Variants in MAPRE2 observed in about 807,000 individuals in gnomAD.
MAPRE2 encodes the protein microtubule-associated protein RP/EB family member 2.
MAPRE2 carries 13 observed loss-of-function variants against 43.2 expected under a neutral mutation model. The ratio of observed to expected loss-of-function variants is 0.30; its 90% CI spans 0.20 to 0.48. The LOEUF is 0.48. MAPRE2 is among the 20% of genes least tolerant of loss of function. MAPRE2 has a pLI of 0.99. For synonymous variants in MAPRE2, 135 were observed against 148.8 expected (o/e 0.91, Z 0.68); for missense variants, 161 against 400.2 (o/e 0.40, Z 5.10).
chr18:35,012,713 A>AGT (rs2150583658), intron 2 of MAPRE2, among the ~76,000 whole-genome samples: 1 of 152,302 alleles, frequency 6.6e-6, no homozygotes, highest in African/African-American at 2.4e-5. Context: ...GGAGACAGAA[A>AGT]GTTGAATGGT....
At position 35,127,036 on chromosome 18, in the gene MAPRE2, A is replaced by T. The variant is rs1359638697; in HGVS notation, c.699A>T (p.Ala233=). ...AAAGGGCTTCTTCCAGTGGCTCAGC[A>T]TCCAAATCCGATAAAGATTTAGAAA... is the stretch of plus-strand genomic sequence containing the variant. The part of the protein sequence containing the change: ...SAKRASSSGS[A]SKSDKDLETQ... The change falls in exon 5 of 7, where the codon GCA becomes GCT. Residue 233 remains alanine (A), a synonymous_variant. Coordinates refer to ENST00000300249, the MANE Select transcript of MAPRE2 (RefSeq NM_014268.4). 2.5e-6 allele frequency: 4 copies of T among 1,614,030 alleles called. No individual in the cohort carries two copies. In the African/African-American group the frequency reaches 5.3e-5, roughly 22 times the overall value.
At chr18:35,060,922 T>G (rs1011473053) in intron 1 of MAPRE2, among the ~76,000 whole-genome samples, 1 of 151,756 alleles carries the variant, frequency 6.6e-6, no homozygotes, top group Non-Finnish European at 1.5e-5. Flanking sequence ...ATTCTGTTGG[T>G]TTTTTTTCTT....
chr18:35,138,381 G>T (rs958206069), intron 6 of MAPRE2, among the ~76,000 whole-genome samples: 2 of 152,312 alleles, frequency 1.3e-5, no homozygotes, highest in East Asian at 3.9e-4. Context: ...TGAACACAGG[G>T]TGGTCATGGG....
chr18:35,035,133 C>T (rs1271917385), intron 2 of MAPRE2, among the ~76,000 whole-genome samples: 24 of 151,978 alleles, frequency 1.6e-4, no homozygotes, highest in Non-Finnish European at 3.1e-4. Flanking sequence ...CAATGATAGA[C>T]TGGATTAAGA....
intron 1 of MAPRE2, among the ~76,000 whole-genome samples, chr18:35,065,440 T>G (rs1906787177): frequency 6.6e-6 from 1 of 152,230 alleles, no homozygotes; most frequent in Non-Finnish European, 1.5e-5. Flanking sequence ...AAATAAAATT[T>G]AAATACAATA....
Position 35,132,070 on chromosome 18 carries a change from G to A in MAPRE2, c.789G>A (p.Lys263=). The A allele has an allele frequency of 1.2e-6, 2 of 1,614,128 alleles. No homozygotes were observed. Among genetic ancestry groups the A allele is most frequent in the Admixed American group, 3.3e-5 (2 of 60,024 alleles). ...SLKLALEGVE[K]ERDFYFGKLR... is the part of the protein sequence containing the mutation. ...AACTTGCCCTTGAAGGCGTGGAAAA[G>A]GAAAGGGATTTCTACTTTGGGAAGT... Residue 263 remains lysine (K), a synonymous_variant, in exon 6 of 7, where the codon AAG becomes AAA. Transcript: ENST00000300249.
intron 1 of MAPRE2, among the ~76,000 whole-genome samples, chr18:35,065,032 C>T (rs1036067711): frequency 2.6e-5 from 4 of 152,072 alleles, no homozygotes; most frequent in Admixed American, 6.5e-5. Context: ...TGGTGGCTCA[C>T]GCCTGTAATC....
At chr18:35,009,386 G>A (rs62095404) in intron 2 of MAPRE2, among the ~76,000 whole-genome samples, 11,209 of 152,270 alleles carry the variant, frequency 0.074, 687 homozygotes, top group East Asian at 0.3. Context: ...ATCTAATAGT[G>A]TAAAGAATAT....
At chr18:35,121,942 T>C (rs1330609826) in intron 4 of MAPRE2, among the ~76,000 whole-genome samples, 1 of 152,198 alleles carries the variant, frequency 6.6e-6, no homozygotes, top group African/African-American at 2.4e-5. Flanking sequence ...CTGTGCAGTT[T>C]TGTGAGAACA....
chr18:35,104,697 A>G (rs556081001), intron 4 of MAPRE2, among the ~76,000 whole-genome samples: 7 of 152,296 alleles, frequency 4.6e-5, no homozygotes, highest in African/African-American at 1.7e-4. Context: ...AGTTTGGGAA[A>G]CAAACATTGA....
intron 4 of MAPRE2, among the ~76,000 whole-genome samples, chr18:35,114,171 CTCAT>C (rs1194840712): frequency 6.6e-6 from 1 of 152,126 alleles, no homozygotes; most frequent in Non-Finnish European, 1.5e-5. Flanking sequence ...TATTGCGTCT[CTCAT>C]ATGTCATGGA....
chr18:35,041,376 C>G (rs1652573570), upstream of MAPRE2: 1 of 1,467,848 alleles, frequency 6.8e-7, no homozygotes, highest in Non-Finnish European at 9.0e-7. Flanking sequence ...TGCCAGAGGG[C>G]GGGGCCGCAG....
In MAPRE2 at chr18:35,127,067, G is replaced by T; in HGVS notation, c.730G>T (p.Val244Phe). ...ATCCGATAAAGATTTAGAAACGCAG[G>T]TCATACAGCTTAATGAACAGGTAAT... ...SKSDKDLETQ[V>F]IQLNEQVHSL... The change falls in exon 5 of 7, where the codon GTC becomes TTC. Residue 244 changes from valine (V) to phenylalanine (F), a missense_variant. Around this residue, in one of 2 missense-constraint regions of MAPRE2, gnomAD observed 96 missense variants for 153.3 expected, o/e 0.63. Coordinates refer to ENST00000300249, the MANE Select transcript of MAPRE2 (RefSeq NM_014268.4). 6.2e-7 allele frequency: 1 copy of T among 1,614,116 alleles called. No homozygotes were observed. The highest frequency in any genetic ancestry group is 8.5e-7 in the Non-Finnish European group (1 of 1,180,002).
At chr18:35,059,374 A>G (rs775227488) in intron 1 of MAPRE2, among the ~76,000 whole-genome samples, 3 of 151,840 alleles carry the variant, frequency 2.0e-5, no homozygotes, top group African/African-American at 4.8e-5. Flanking sequence ...ACTCAACCCT[A>G]GTCTGTTCCT....
At chr18:35,086,292 T>C (rs1411999368) in intron 2 of MAPRE2, among the ~76,000 whole-genome samples, 1 of 151,794 alleles carries the variant, frequency 6.6e-6, no homozygotes, top group Non-Finnish European at 1.5e-5. Context: ...GATACATATA[T>C]AGATATGTAT....
At position 35,092,714 on chromosome 18, in the gene MAPRE2, C is replaced by G. The variant is rs558843378; in HGVS notation, c.251-4732C>G. 3.9e-5 allele frequency among the ~76,000 whole-genome samples: 6 copies of G among 152,250 alleles called. No individual in the cohort carries two copies. The East Asian group carries it at 1.2e-3, about 29-fold the overall frequency. On this transcript the variant is annotated intron_variant, in intron 2 of 6. Coordinates refer to ENST00000300249, the MANE Select transcript of MAPRE2 (RefSeq NM_014268.4). Reference sequence around the variant, plus strand: ...AAGAAAATATGTGCAAACTATTCATCTGGCAAGGGGCTAATATAAGGAACT... The same window carrying G: ...AAGAAAATATGTGCAAACTATTCATGTGGCAAGGGGCTAATATAAGGAACT...
At chr18:35,021,647 A>C (rs541580268) in intron 2 of MAPRE2, among the ~76,000 whole-genome samples, 1 of 152,290 alleles carries the variant, frequency 6.6e-6, no homozygotes, top group Admixed American at 6.5e-5. Context: ...CGAATTAAAA[A>C]TATAATTAAA....
chr18:35,128,440 A>G (rs1910002556), intron 5 of MAPRE2, among the ~76,000 whole-genome samples: 1 of 152,232 alleles, frequency 6.6e-6, no homozygotes, highest in Admixed American at 6.5e-5. Context: ...CTGCACATTC[A>G]AGCAACCAAG....
intron 2 of MAPRE2, among the ~76,000 whole-genome samples, chr18:35,088,491 A>G (rs1907982604): frequency 6.6e-6 from 1 of 152,236 alleles, no homozygotes; most frequent in African/African-American, 2.4e-5. Context: ...AGTTTCATAG[A>G]AAACCACTGT....
Sources: gnomAD v4.1 joint callset for allele counts (sites outside exome capture counted in the v4.1 genomes callset) on GRCh38, gnomAD v4.1.1 for gene constraint, gnomAD v4.1.1 regional missense constraint, MANE v1.5 for transcripts, NCBI Gene and HGNC (gene_info 2026-07-23, HGNC 2026-07-21) for gene names.